Variants in PCCA observed in about 807,000 individuals in gnomAD.
The protein encoded by PCCA is propionyl-CoA carboxylase alpha chain, mitochondrial.
Under a neutral mutation model 101.3 loss-of-function variants are expected in PCCA, and 74 were observed. The observed-to-expected ratio is 0.73, with a 90% CI of 0.61 to 0.89. The LOEUF is 0.89. PCCA is among the 40% of genes least tolerant of loss of function. The pLI is 0.00. For synonymous variants in PCCA, 294 were observed against 313.6 expected (o/e 0.94, Z 0.66); for missense variants, 891 against 907.0 (o/e 0.98, Z 0.23).
intron 21 of PCCA, among the ~76,000 whole-genome samples, chr13:100,467,409 T>C (rs2082617881): frequency 6.6e-6 from 1 of 152,162 alleles, no homozygotes; most frequent in Non-Finnish European, 1.5e-5. Context: ...TCTTGCTCTG[T>C]TGCCCAGGCT....
chr13:100,151,931 T>A (rs969146613), intron 4 of PCCA, among the ~76,000 whole-genome samples: 1 of 152,080 alleles, frequency 6.6e-6, no homozygotes, highest in African/African-American at 2.4e-5. Context: ...TATGCAATAT[T>A]AAGTCATTCT....
At chr13:100,214,419 G>T (rs1229973778) in intron 7 of PCCA, among the ~76,000 whole-genome samples, 1 of 150,508 alleles carries the variant, frequency 6.6e-6, no homozygotes, top group Non-Finnish European at 1.5e-5. Context: ...GTTTTTTTGT[G>T]TGTGTGTGTG....
intron 20 of PCCA, among the ~76,000 whole-genome samples, chr13:100,438,287 T>G (rs2080092726): frequency 6.6e-6 from 1 of 151,996 alleles, no homozygotes; most frequent in Non-Finnish European, 1.5e-5. Context: ...TCTGAGTAGG[T>G]GGGACTGCAG....
At chr13:100,238,048 C>T (rs2060911529) in intron 8 of PCCA, among the ~76,000 whole-genome samples, 1 of 150,948 alleles carries the variant, frequency 6.6e-6, no homozygotes, top group South Asian at 2.1e-4. Context: ...AGGTGATTCT[C>T]CTGCCTTCAC....
intron 21 of PCCA, among the ~76,000 whole-genome samples, chr13:100,465,734 C>A (rs1404269733): frequency 2.0e-5 from 3 of 152,186 alleles, no homozygotes. Context: ...CTAAAATTGT[C>A]TCCAAATATT....
chr13:100,303,605 G>C (rs2066231011), intron 14 of PCCA, among the ~76,000 whole-genome samples: 1 of 150,198 alleles, frequency 6.7e-6, no homozygotes, highest in Admixed American at 6.6e-5. Context: ...TCTTAATCAA[G>C]GTAATAAGTG....
At chr13:100,459,314 C>T (rs1236231834) in intron 21 of PCCA, among the ~76,000 whole-genome samples, 1 of 152,158 alleles carries the variant, frequency 6.6e-6, no homozygotes, top group Non-Finnish European at 1.5e-5. Context: ...CTATTCAACC[C>T]AGTATGCTAT....
intron 18 of PCCA, among the ~76,000 whole-genome samples, chr13:100,355,472 C>G (rs556359077): frequency 6.6e-6 from 1 of 152,004 alleles, no homozygotes; most frequent in Non-Finnish European, 1.5e-5. Flanking sequence ...TGGAAGGATA[C>G]AGGATACAAG....
chr13:100,163,987 G>A (rs199543602), intron 6 of PCCA, among the ~76,000 whole-genome samples: 3 of 85,232 alleles, frequency 3.5e-5, no homozygotes, highest in Admixed American at 1.3e-4. Flanking sequence ...GAAATTTTGC[G>A]ATCATATAGT....
intron 10 of PCCA, among the ~76,000 whole-genome samples, chr13:100,266,172 C>CT: frequency 6.6e-6 from 1 of 152,264 alleles, no homozygotes; most frequent in South Asian, 2.1e-4. Flanking sequence ...GCTGTTTTAT[C>CT]TTTAACTAGT....
At chr13:100,469,469 T>C (rs1157927112) in intron 21 of PCCA, among the ~76,000 whole-genome samples, 1 of 151,974 alleles carries the variant, frequency 6.6e-6, no homozygotes, top group Admixed American at 6.5e-5. Context: ...TTGGCCTTTC[T>C]TGTACGTATC....
chr13:100,529,825 C>A (rs763835274), intron 23 of PCCA, among the ~76,000 whole-genome samples: 5 of 152,160 alleles, frequency 3.3e-5, no homozygotes, highest in Non-Finnish European at 7.4e-5. Flanking sequence ...AGCGCAAATG[C>A]TCCGGAGAGT....
At chr13:100,298,337 A>G (rs914356583) in intron 12 of PCCA, among the ~76,000 whole-genome samples, 28 of 152,138 alleles carry the variant, frequency 1.8e-4, no homozygotes, top group Non-Finnish European at 1.3e-4. Context: ...ACATATGGGC[A>G]TCCTAATGAC....
At chr13:100,416,839 T>A (rs545956229) in intron 19 of PCCA, among the ~76,000 whole-genome samples, 1 of 151,138 alleles carries the variant, frequency 6.6e-6, no homozygotes, top group South Asian at 2.1e-4. Context: ...TTATGTATAT[T>A]CTTTTTGTTT....
chr13:100,259,534 C>T (rs2062327488), intron 9 of PCCA, among the ~76,000 whole-genome samples: 1 of 151,778 alleles, frequency 6.6e-6, no homozygotes, highest in African/African-American at 2.4e-5. Context: ...GGGGTTTCAC[C>T]ATGTTGGCCA....
At chr13:100,416,674 G>A (rs553034548) in intron 19 of PCCA, among the ~76,000 whole-genome samples, 3 of 151,256 alleles carry the variant, frequency 2.0e-5, no homozygotes, top group Non-Finnish European at 4.4e-5. Flanking sequence ...ACAGACACTC[G>A]CCACCACGCC....
At chr13:100,224,266 G>A (rs1458187028) in intron 7 of PCCA, among the ~76,000 whole-genome samples, 1 of 152,226 alleles carries the variant, frequency 6.6e-6, no homozygotes, top group African/African-American at 2.4e-5. Context: ...GGGTAACCCA[G>A]TACACCCTCT....
intron 20 of PCCA, among the ~76,000 whole-genome samples, chr13:100,433,708 G>T (rs183068372): frequency 5.9e-5 from 9 of 152,254 alleles, no homozygotes; most frequent in Non-Finnish European, 1.2e-4. Context: ...ACCTCACACT[G>T]AGAAACCTTT....
chr13:100,141,045 A>G (rs951858626), intron 4 of PCCA, among the ~76,000 whole-genome samples: 11 of 152,234 alleles, frequency 7.2e-5, no homozygotes, highest in African/African-American at 2.7e-4. Flanking sequence ...GTAAGCTGCT[A>G]TTAATGATGC....
Sources: allele counts gnomAD v4.1 joint callset (sites outside exome capture counted in the v4.1 genomes callset), GRCh38; gene constraint gnomAD v4.1.1; transcripts MANE v1.5; gene names NCBI Gene and HGNC (gene_info 2026-07-23, HGNC 2026-07-21).